TRAF4: variants seen among roughly 807,000 people sequenced by gnomAD.
The protein encoded by TRAF4 is TNF receptor associated factor 4.
Under a neutral mutation model 47.3 loss-of-function variants are expected in TRAF4, and 9 were observed. The ratio of observed to expected loss-of-function variants is 0.19; its 90% CI spans 0.11 to 0.33. The LOEUF is 0.33. Ranked by LOEUF, TRAF4 falls within the 10% of genes least tolerant of loss-of-function variation. The pLI, the probability that TRAF4 is intolerant of heterozygous loss-of-function variation, is 1.00. For synonymous variants in TRAF4, 236 were observed against 236.9 expected (o/e 1.00, Z 0.04); for missense variants, 448 against 620.3 (o/e 0.72, Z 2.95).
Position 28,747,941 on chromosome 17 carries a change from T to C in TRAF4, c.294T>C (p.His98=), listed in dbSNP as rs112813368. The C allele has an allele frequency of 1.2e-5, 19 of 1,614,016 alleles. No individual in the cohort carries two copies. The highest frequency in any genetic ancestry group is 5.3e-5 in the African/African-American group (4 of 74,904). Residue 98 remains histidine (H), a synonymous_variant, in exon 3 of 7, where the codon CAT becomes CAC. Coordinates refer to ENST00000262395, the MANE Select transcript of TRAF4 (RefSeq NM_004295.4). ...EGCRWSGPLR[H]LQGHLNTCSF... ...GCCGCTGGAGTGGGCCACTACGTCA[T>C]CTACAGGTGAGGCTCTGATGTGAGG...
rs748249974 is a variant in TRAF4, at chr17:28,749,547, T to C, written c.1383T>C (p.Ala461=). The C allele has an allele frequency of 6.2e-7, 1 of 1,613,474 alleles. No individual in the cohort carries two copies. Among genetic ancestry groups the C allele is most frequent in the East Asian group, 2.2e-5 (1 of 44,886 alleles). ...VRDDAVFIRA[A]VELPRKILS ...ATGATGCAGTCTTCATCCGTGCTGC[T>C]GTTGAACTGCCCCGGAAGATCCTCA... is the stretch of plus-strand genomic sequence containing the variant. The change falls in exon 7 of 7, where the codon GCT becomes GCC. Residue 461 remains alanine (A), a synonymous_variant. Coordinates refer to ENST00000262395, the MANE Select transcript of TRAF4 (RefSeq NM_004295.4).
In TRAF4 at chr17:28,748,651, C is replaced by T. The variant is rs751701896; in HGVS notation, c.765C>T (p.Ser255=). 35 of 1,611,262 alleles carry T rather than the reference C, an allele frequency of 2.2e-5. No homozygotes were observed. The highest frequency in any genetic ancestry group is 1.7e-4 in the Middle Eastern group (1 of 6,058). Residue 255 remains serine, a synonymous_variant, in exon 6 of 7, where the codon TCC becomes TCT. Transcript: ENST00000262395. ...TGGTGCTCTGCCCATTCAAAGACTCCGGCTGCAAGCACAGGGTGAGATGCC... is the reference window on the plus strand; with the variant it reads ...TGGTGCTCTGCCCATTCAAAGACTCTGGCTGCAAGCACAGGGTGAGATGCC... The part of the protein sequence containing the change: ...TALVLCPFKD[S]GCKHRCPKLA...
chr17:28,746,556 GAC>G (rs1012890864), intron 1 of TRAF4, among the ~76,000 whole-genome samples: 4 of 152,210 alleles, frequency 2.6e-5, no homozygotes, highest in African/African-American at 4.8e-5. Flanking sequence ...TGTGGAGTCA[GAC>G]ACACATAGCC....
In TRAF4 at chr17:28,748,455, G is replaced by T. The variant is rs370091929; in HGVS notation, c.624+32G>T. Reference sequence around the variant, plus strand: ...CCTTCCCTGAACTGTGGGTTGCAGGGTAGGTGACAGGTAGTCAGGATATTG... The same window carrying T: ...CCTTCCCTGAACTGTGGGTTGCAGGTTAGGTGACAGGTAGTCAGGATATTG... On this transcript the variant is annotated intron_variant, in intron 5 of 6. Transcript: ENST00000262395. 33 of 1,606,524 alleles carry T rather than the reference G, an allele frequency of 2.1e-5. No homozygotes were observed. The African/African-American group carries it at 4.1e-4, about 20-fold the overall frequency.
rs1052829234 is a variant in TRAF4, at chr17:28,747,936, C to T, written c.289C>T (p.Arg97Cys). Residue 97 changes from arginine (R) to cysteine (C), a missense_variant, in exon 3 of 7, where the codon CGT becomes TGT. By Grantham distance (180) the Arg-to-Cys change is radical. Transcript: ENST00000262395. ...EEGCRWSGPL[R>C]HLQGHLNTCS... ...GGGCTGCCGCTGGAGTGGGCCACTA[C>T]GTCATCTACAGGTGAGGCTCTGATG... 12 of 1,614,028 alleles carry T rather than the reference C, an allele frequency of 7.4e-6. No homozygotes were observed. The highest frequency in any genetic ancestry group is 3.3e-5 in the South Asian group (3 of 91,090).
Position 28,748,365 on chromosome 17 carries a change from C to G in TRAF4, c.566C>G (p.Pro189Arg), listed in dbSNP as rs1372357338. Reference sequence around the variant, plus strand: ...GCCCAGCATGCCACCTCTGAGTGCCCCAAGCGCACTCAGCCCTGCACCTAC... The same window carrying G: ...GCCCAGCATGCCACCTCTGAGTGCCGCAAGCGCACTCAGCCCTGCACCTAC... ...LLAQHATSECPKRTQPCTYCT... is the reference protein window; with the variant it reads ...LLAQHATSECRKRTQPCTYCT... Residue 189 changes from proline (P) to arginine (R), a missense_variant, in exon 5 of 7, where the codon CCC becomes CGC. Coordinates refer to ENST00000262395, the MANE Select transcript of TRAF4 (RefSeq NM_004295.4). 3 of 1,613,562 alleles carry G rather than the reference C, an allele frequency of 1.9e-6. No individual in the cohort carries two copies. The highest frequency in any genetic ancestry group is 2.5e-6 in the Non-Finnish European group (3 of 1,179,896).
At position 28,749,808 on chromosome 17, in the gene TRAF4, AG is replaced by A; in HGVS notation, c.*234del. The A allele has an allele frequency of 1.3e-6, 1 of 752,034 alleles. No homozygotes were observed. Among genetic ancestry groups the A allele is most frequent in the Non-Finnish European group, 2.3e-6 (1 of 430,604 alleles). 46.6% of individuals were successfully genotyped at this position (752,034 alleles called of 1,614,324 possible). Reference sequence around the variant, plus strand: ...TGAAGGGCTGGAAACAAGTGACCCCAGGGCCTGTCTCCCTTCTTGGGTAGGG... The same window carrying A: ...TGAAGGGCTGGAAACAAGTGACCCCAGGCCTGTCTCCCTTCTTGGGTAGGG... On this transcript the variant is annotated 3_prime_UTR_variant, in exon 7 of 7. Transcript: ENST00000262395.
chr17:28,744,717 C>T (rs1046127285), intron 1 of TRAF4: 1 of 165,854 alleles, frequency 6.0e-6, no homozygotes, highest in South Asian at 1.2e-4. Context: ...AAACGAGATT[C>T]AAAGAAAGGC....
rs2034570117 is a variant in TRAF4 at position 28,749,523 on chromosome 17, T to C, written c.1359T>C (p.Asp453=). Reference sequence around the variant, plus strand: ...TTCGAAAGCGAAACTATGTGCGGGATGATGCAGTCTTCATCCGTGCTGCTG... The same window carrying C: ...TTCGAAAGCGAAACTATGTGCGGGACGATGCAGTCTTCATCCGTGCTGCTG... ...QDIRKRNYVR[D]DAVFIRAAVE... Residue 453 remains aspartate (D), a synonymous_variant, in exon 7 of 7, where the codon GAT becomes GAC. Transcript: ENST00000262395. 6.2e-7 allele frequency: 1 copy of C among 1,613,808 alleles called. No homozygotes were observed. Among genetic ancestry groups the C allele is most frequent in the Non-Finnish European group, 8.5e-7 (1 of 1,180,018 alleles).
chr17:28,748,854 G>T, intron 6 of TRAF4, 91 bp from the exon 7 acceptor site: 5 of 1,498,702 alleles, frequency 3.3e-6, no homozygotes, highest in Admixed American at 2.2e-5. Flanking sequence ...CTGGGTGCCT[G>T]CTACCCTGTA....
chr17:28,748,215 C>T (rs759963247), intron 4 of TRAF4, 37 bp downstream of exon 4: 4 of 1,612,914 alleles, frequency 2.5e-6, no homozygotes, highest in Non-Finnish European at 3.4e-6. Flanking sequence ...GGAGGGGGTA[C>T]CTGATGGCCT....
chr17:28,749,994 C>T lies in TRAF4; in HGVS notation c.*417C>T, dbSNP rs1197827857. ...TTTTTTCCCCCTTTACCTAGCTGTG[C>T]CCCCTCTGGTTATTTATTTCCTTAG... On this transcript the variant is annotated 3_prime_UTR_variant, in exon 7 of 7. Transcript: ENST00000262395. The T allele has an allele frequency of 4.7e-6, 3 of 637,452 alleles. No individual in the cohort carries two copies. In the Admixed American group the frequency reaches 6.9e-5, roughly 15 times the overall value. The allele number at this position is 637,452 out of a possible 1,614,324, so 39.5% of individuals were successfully genotyped here.
Position 28,744,258 on chromosome 17 carries a change from G to T in TRAF4, c.143+3G>T, listed in dbSNP as rs772485835. 1.3e-6 allele frequency: 2 copies of T among 1,588,642 alleles called. No individual in the cohort carries two copies. The highest frequency in any genetic ancestry group is 1.7e-6 in the Non-Finnish European group (2 of 1,175,236). On this transcript the variant is annotated splice_donor_region_variant and intron_variant, in intron 1 of 6. Transcript: ENST00000262395. Reference sequence around the variant, plus strand: ...ACCTGCCTGCAGGAGTTCCTCAGGTGCTGGCCGGGGAGCAGGGGACAGCGG... The same window carrying T: ...ACCTGCCTGCAGGAGTTCCTCAGGTTCTGGCCGGGGAGCAGGGGACAGCGG...
intron 2 of TRAF4, 188 bp from the exon 3 acceptor site, chr17:28,747,655 T>C (rs1325822643): frequency 1.6e-6 from 1 of 618,902 alleles, no homozygotes; most frequent in African/African-American, 1.8e-5. Flanking sequence ...TGTGCAGGCA[T>C]GTTAGGACCC....
Position 28,749,707 on chromosome 17 carries a change from C to A in TRAF4, c.*130C>A. On this transcript the variant is annotated 3_prime_UTR_variant, in exon 7 of 7. Transcript: ENST00000262395. ...TAGGTTCTGTTACCCCATCCTCCCT[C>A]CCCCAGCCACCACCCTCAGGTGCCT... 6.9e-7 allele frequency: 1 copy of A among 1,440,018 alleles called. No individual in the cohort carries two copies. Among genetic ancestry groups the A allele is most frequent in the Admixed American group, 2.0e-5 (1 of 50,724 alleles). The allele number at this position is 1,440,018 out of a possible 1,614,324, so 89.2% of individuals were successfully genotyped here.
Position 28,749,776 on chromosome 17 carries a change from G to C in TRAF4, c.*199G>C. 1 of 916,224 alleles carries C rather than the reference G, an allele frequency of 1.1e-6. No individual in the cohort carries two copies. The highest frequency in any genetic ancestry group is 1.7e-6 in the Non-Finnish European group (1 of 580,886). 56.8% of individuals were successfully genotyped at this position (916,224 alleles called of 1,614,324 possible). ...CTGGCCCCTGTGGGGAACAGGTCTT[G>C]GGGTCATGAAGGGCTGGAAACAAGT... On this transcript the variant is annotated 3_prime_UTR_variant, in exon 7 of 7. Coordinates refer to ENST00000262395, the MANE Select transcript of TRAF4 (RefSeq NM_004295.4).
intron 2 of TRAF4, chr17:28,747,523 C>T (rs763172795): frequency 5.2e-5 from 30 of 576,624 alleles, no homozygotes; most frequent in Middle Eastern, 4.6e-4. Flanking sequence ...CCTCCCCTTC[C>T]GGTGGCAAGC....
intron 6 of TRAF4, 61 bp downstream of exon 6, chr17:28,748,727 G>C: frequency 6.3e-7 from 1 of 1,584,882 alleles, no homozygotes; most frequent in Non-Finnish European, 8.5e-7. Flanking sequence ...CAGAGGCTCA[G>C]CTTCTGATGT....
chr17:28,749,549 T>C lies in TRAF4; in HGVS notation c.1385T>C (p.Val462Ala). 6.2e-6 allele frequency: 10 copies of C among 1,613,364 alleles called. No individual in the cohort carries two copies. Among genetic ancestry groups the C allele is most frequent in the Non-Finnish European group, 8.5e-6 (10 of 1,179,782 alleles). ...RDDAVFIRAA[V>A]ELPRKILS ...GATGCAGTCTTCATCCGTGCTGCTG[T>C]TGAACTGCCCCGGAAGATCCTCAGC... Residue 462 changes from valine (V) to alanine (A), a missense_variant, in exon 7 of 7, where the codon GTT becomes GCT. By Grantham distance (64) the Val-to-Ala change is moderately conservative. Coordinates refer to ENST00000262395, the MANE Select transcript of TRAF4 (RefSeq NM_004295.4).
Sources: gnomAD v4.1 joint callset for allele counts (sites outside exome capture counted in the v4.1 genomes callset) on GRCh38, gnomAD v4.1.1 for gene constraint, MANE v1.5 for transcripts, NCBI Gene and HGNC (gene_info 2026-07-23, HGNC 2026-07-21) for gene names.